LRRC37A2: variants seen among roughly 807,000 people sequenced by gnomAD.
The protein encoded by LRRC37A2 is leucine-rich repeat-containing protein 37A2.
Under a neutral mutation model 68.8 loss-of-function variants are expected in LRRC37A2, and 9 were observed. The observed-to-expected ratio is 0.13, with a 90% CI of 0.08 to 0.23. LRRC37A2 has a LOEUF of 0.23. Ranked by LOEUF, LRRC37A2 falls within the 10% of genes least tolerant of loss-of-function variation. The probability of loss-of-function intolerance (pLI) is 1.00; values close to 1 mark genes in which losing one functional copy is unlikely to be tolerated. For synonymous variants in LRRC37A2, 63 were observed against 367.6 expected, an observed-to-expected ratio of 0.17 and a Z score of 9.48; for missense variants, 168 against 950.4, an observed-to-expected ratio of 0.18 and a Z score of 10.82.
At chr17:46,902,382 G>A in the LRRC37A2 span, among the ~76,000 whole-genome samples, 1 of 152,154 alleles carries the variant, frequency 6.6e-6, no homozygotes, top group Non-Finnish European at 1.5e-5. Flanking sequence ...TGCGGAGGGT[G>A]CAATGTGCTG....
the LRRC37A2 span, chr17:46,939,453 C>G: frequency 2.0e-5 from 20 of 987,126 alleles, 1 homozygote; most frequent in Admixed American, 1.1e-3. Flanking sequence ...CAGTCTTGAC[C>G]CTAGTCACTG....
At chr17:46,931,157 G>T in the LRRC37A2 span, 1 of 1,611,702 alleles carries the variant, frequency 6.2e-7, no homozygotes, top group Non-Finnish European at 8.5e-7. Flanking sequence ...TAGAACGTCT[G>T]GAGATTTTGT....
chr17:46,804,921 C>T, the LRRC37A2 span, among the ~76,000 whole-genome samples: 1 of 133,456 alleles, frequency 7.5e-6, no homozygotes, highest in Non-Finnish European at 1.6e-5. Flanking sequence ...CCCCGCCCAC[C>T]CCCCCCACCC....
the LRRC37A2 span, among the ~76,000 whole-genome samples, chr17:47,013,516 T>C: frequency 2.0e-5 from 3 of 152,202 alleles, no homozygotes; most frequent in Admixed American, 2.0e-4. Context: ...CTCATAACCC[T>C]TTCCTGCTAC....
At chr17:46,713,857 T>G in the LRRC37A2 span, 4 of 1,610,820 alleles carry the variant, frequency 2.5e-6, no homozygotes, top group Non-Finnish European at 3.4e-6. Context: ...ATGCAGGCCC[T>G]CCTCACAGTG....
At chr17:47,037,269 A>G in the LRRC37A2 span, among the ~76,000 whole-genome samples, 1 of 152,258 alleles carries the variant, frequency 6.6e-6, no homozygotes, top group East Asian at 1.9e-4. Flanking sequence ...AAGCCTGGGC[A>G]ACAGAGTGAG....
chr17:47,023,718 C>T, the LRRC37A2 span, among the ~76,000 whole-genome samples: 1 of 152,002 alleles, frequency 6.6e-6, no homozygotes, highest in African/African-American at 2.4e-5. Flanking sequence ...CCTCAGCCTC[C>T]CGCGTAGCTG....
At chr17:46,535,103 G>A (rs1255208126) in intron 6 of LRRC37A2, among the ~76,000 whole-genome samples, 1 of 148,330 alleles carries the variant, frequency 6.7e-6, no homozygotes. Flanking sequence ...TCTATTGCCA[G>A]TGCTGGTATC....
the LRRC37A2 span, among the ~76,000 whole-genome samples, chr17:46,734,325 A>G: frequency 6.6e-6 from 1 of 152,100 alleles, no homozygotes; most frequent in South Asian, 2.1e-4. Context: ...AGGCTTAGTC[A>G]TTTTGCCAGA....
chr17:46,755,565 A>C, the LRRC37A2 span: 1 of 687,296 alleles, frequency 1.5e-6, no homozygotes, highest in Non-Finnish European at 2.4e-6. Flanking sequence ...GCTTCGCAAA[A>C]CTTCCTTGTC....
the LRRC37A2 span, among the ~76,000 whole-genome samples, chr17:46,585,180 G>A: frequency 6.8e-6 from 1 of 146,116 alleles, no homozygotes; most frequent in Non-Finnish European, 1.5e-5. Flanking sequence ...AGCCAGGTAT[G>A]GTGGTGCGTG....
At chr17:46,974,184 C>T in the LRRC37A2 span, among the ~76,000 whole-genome samples, 13 of 152,346 alleles carry the variant, frequency 8.5e-5, no homozygotes, top group East Asian at 1.4e-3. Flanking sequence ...GGCCCTGAGA[C>T]GCATGGAACC....
At chr17:46,946,155 G>T in the LRRC37A2 span, among the ~76,000 whole-genome samples, 1 of 152,072 alleles carries the variant, frequency 6.6e-6, no homozygotes, top group East Asian at 1.9e-4. Flanking sequence ...AAAAATGTAG[G>T]CTGGGCGCGG....
chr17:47,004,575 G>A, the LRRC37A2 span, among the ~76,000 whole-genome samples: 11 of 152,286 alleles, frequency 7.2e-5, no homozygotes, highest in African/African-American at 2.6e-4. Context: ...CACCCAGGCT[G>A]GGGAGTGCAG....
the LRRC37A2 span, among the ~76,000 whole-genome samples, chr17:46,841,938 G>C: frequency 3.9e-5 from 6 of 152,216 alleles, no homozygotes; most frequent in African/African-American, 1.4e-4. Context: ...TCCCTGCCGC[G>C]CCGAGCGTCC....
chr17:46,838,114 A>G, the LRRC37A2 span, among the ~76,000 whole-genome samples: 2,592 of 152,190 alleles, frequency 0.017, 89 homozygotes, highest in African/African-American at 0.059. Flanking sequence ...CCCAGAAGTC[A>G]TGGGAGGGGC....
the LRRC37A2 span, chr17:46,978,807 C>A: frequency 6.2e-7 from 1 of 1,610,902 alleles, no homozygotes; most frequent in Admixed American, 1.7e-5. Flanking sequence ...CGATCTGCGC[C>A]ACCCGCGACA....
chr17:46,439,447 AAC>A, the LRRC37A2 span, among the ~76,000 whole-genome samples: 1 of 137,198 alleles, frequency 7.3e-6, no homozygotes, highest in African/African-American at 2.6e-5. Context: ...TCAGTAAGTT[AAC>A]AGTTTTTCTT....
the LRRC37A2 span, among the ~76,000 whole-genome samples, chr17:46,838,898 GA>G: frequency 6.6e-6 from 1 of 152,110 alleles, no homozygotes; most frequent in Non-Finnish European, 1.5e-5. Flanking sequence ...TGTTTTCTGA[GA>G]CGGAGTCGCA....
Sources: allele counts gnomAD v4.1 joint callset (sites outside exome capture counted in the v4.1 genomes callset), GRCh38; gene constraint gnomAD v4.1.1; transcripts MANE v1.5; gene names NCBI Gene and HGNC (gene_info 2026-07-23, HGNC 2026-07-21).